Variants in ANKFN1 observed in about 807,000 individuals in gnomAD.
ANKFN1 encodes ankyrin repeat and fibronectin type III domain containing 1.
ANKFN1 carries 74 observed loss-of-function variants against 108.7 expected under a neutral mutation model. The observed-to-expected ratio is 0.68, with a 90% CI of 0.56 to 0.83. The LOEUF is 0.83. ANKFN1 is among the 40% of genes least tolerant of loss of function. The pLI, the probability that ANKFN1 is intolerant of heterozygous loss-of-function variation, is 0.00. For synonymous variants in ANKFN1, 547 were observed against 516.2 expected, an observed-to-expected ratio of 1.06 and a Z score of -0.81; for missense variants, 1,505 against 1,382.3, an observed-to-expected ratio of 1.09 and a Z score of -1.41.
intron 3 of ANKFN1, among the ~76,000 whole-genome samples, chr17:56,321,383 C>T (rs1026356751): frequency 6.6e-6 from 1 of 151,068 alleles, no homozygotes; most frequent in Admixed American, 6.6e-5. Flanking sequence ...GCTGGCCAGG[C>T]TCTTTGCTGA....
At chr17:56,355,929 G>A (rs1211836522) in intron 6 of ANKFN1, among the ~76,000 whole-genome samples, 1 of 152,028 alleles carries the variant, frequency 6.6e-6, no homozygotes, top group African/African-American at 2.4e-5. Context: ...TCATACCATT[G>A]ACTATTATCA....
At chr17:56,166,231 G>A (rs1424451579) in intron 1 of ANKFN1, among the ~76,000 whole-genome samples, 1 of 152,192 alleles carries the variant, frequency 6.6e-6, no homozygotes, top group Non-Finnish European at 1.5e-5. Flanking sequence ...TACCTTTGAA[G>A]AGTTGCTTTT....
chr17:56,512,633 T>C lies in ANKFN1; in HGVS notation c.*1364T>C, dbSNP rs1250091793. On this transcript the variant is annotated 3_prime_UTR_variant, in exon 21 of 21. Coordinates refer to ENST00000682825, the MANE Select transcript of ANKFN1 (RefSeq NM_001370326.1). Reference sequence around the variant, plus strand: ...TTCACTTCACTGACATTCTAAATGATCCTTTTCTGCTTCACAGGCATTTCA... The same window carrying C: ...TTCACTTCACTGACATTCTAAATGACCCTTTTCTGCTTCACAGGCATTTCA... Among the ~76,000 whole-genome samples the C allele has an allele frequency of 6.6e-6, 1 of 152,232 alleles. No individual in the cohort carries two copies. The highest frequency in any genetic ancestry group is 1.5e-5 in the Non-Finnish European group (1 of 68,038).
intron 6 of ANKFN1, among the ~76,000 whole-genome samples, chr17:56,358,067 T>C (rs1168910171): frequency 6.6e-6 from 1 of 152,198 alleles, no homozygotes; most frequent in African/African-American, 2.4e-5. Flanking sequence ...TGTTACACAT[T>C]AGATGCTCAA....
chr17:56,187,787 A>T (rs1912372921), intron 1 of ANKFN1, among the ~76,000 whole-genome samples: 1 of 152,216 alleles, frequency 6.6e-6, no homozygotes, highest in African/African-American at 2.4e-5. Flanking sequence ...TTATAGGGAC[A>T]TGGATGAAGC....
At chr17:56,484,787 C>T (rs2050807190) in intron 18 of ANKFN1, among the ~76,000 whole-genome samples, 1 of 152,182 alleles carries the variant, frequency 6.6e-6, no homozygotes, top group South Asian at 2.1e-4. Context: ...ACCAGGATTC[C>T]ATTCTGTGTT....
chr17:56,353,900 T>C lies in ANKFN1; in HGVS notation c.455T>C (p.Ile152Thr). ...CAGCAGGACATGGATGCTGTGCAGA[T>C]CCTCCTGTATCAGTACACACCAGAA... The part of the protein sequence containing the change: ...VEQQDMDAVQ[I>T]LLYQYTPEEL... Residue 152 changes from isoleucine to threonine, a missense_variant, in exon 6 of 21, where the codon ATC becomes ACC. By Grantham distance (89) the Ile-to-Thr change is moderately conservative (BLOSUM62 -1). Transcript: ENST00000682825. 6.2e-7 allele frequency: 1 copy of C among 1,613,966 alleles called. No individual in the cohort carries two copies. The highest frequency in any genetic ancestry group is 1.1e-5 in the South Asian group (1 of 91,078).
At position 56,222,909 on chromosome 17, in the gene ANKFN1, A is replaced by T. The variant is rs72833807; in HGVS notation, c.13-5008A>T. On this transcript the variant is annotated intron_variant, in intron 2 of 20. Coordinates refer to ENST00000682825, the MANE Select transcript of ANKFN1 (RefSeq NM_001370326.1). ...ACACGTCTAAAAGTAAATGTTCAAA[A>T]TGCTTGGTCATTACAAGCCCACTGT... 6.2e-3 allele frequency among the ~76,000 whole-genome samples: 937 copies of T among 152,324 alleles called. 14 individuals carry two copies. Among genetic ancestry groups the T allele is most frequent in the Non-Finnish European group, 8.8e-3 (599 of 68,020 alleles).
chr17:56,138,278 A>T (rs1431892369), intron 4 of ANKFN1, among the ~76,000 whole-genome samples: 1 of 152,210 alleles, frequency 6.6e-6, no homozygotes, highest in Non-Finnish European at 1.5e-5. Flanking sequence ...GATCTCAAAA[A>T]AAGTCCATCC....
At chr17:56,382,148 A>G (rs2047124505) in intron 8 of ANKFN1, among the ~76,000 whole-genome samples, 1 of 152,236 alleles carries the variant, frequency 6.6e-6, no homozygotes, top group Admixed American at 6.5e-5. Flanking sequence ...GAAACTCTAC[A>G]AGCCAGAAGA....
intron 1 of ANKFN1, among the ~76,000 whole-genome samples, chr17:56,170,801 T>TACACACACACACACACACAC (rs1224594065): frequency 5.0e-4 from 32 of 64,222 alleles, no homozygotes; most frequent in East Asian, 2.9e-3. Context: ...TATATATATA[T>TACACACACACACACACACAC]ATATATACAC....
intron 8 of ANKFN1, among the ~76,000 whole-genome samples, chr17:56,403,533 G>C (rs984434922): frequency 6.6e-6 from 1 of 151,902 alleles, no homozygotes; most frequent in Non-Finnish European, 1.5e-5. Flanking sequence ...CCCTTTTACT[G>C]TAAGTTTACC....
chr17:56,441,214 T>C (rs917430294), intron 9 of ANKFN1, among the ~76,000 whole-genome samples: 1 of 152,204 alleles, frequency 6.6e-6, no homozygotes, highest in African/African-American at 2.4e-5. Context: ...CCTTTTTCAG[T>C]CCAATTCAAA....
intron 3 of ANKFN1, among the ~76,000 whole-genome samples, chr17:56,279,242 A>G (rs927721775): frequency 1.3e-5 from 2 of 152,204 alleles, no homozygotes; most frequent in Non-Finnish European, 2.9e-5. Context: ...TTTTCTACCT[A>G]TTGTCCTATA....
chr17:56,446,199 A>T (rs997570553), intron 10 of ANKFN1, among the ~76,000 whole-genome samples: 4 of 152,208 alleles, frequency 2.6e-5, no homozygotes, highest in Non-Finnish European at 4.4e-5. Context: ...TGAAAGAGAC[A>T]GGCCTATTTC....
chr17:56,468,078 C>T (rs1389004586), intron 15 of ANKFN1, among the ~76,000 whole-genome samples: 1 of 152,172 alleles, frequency 6.6e-6, no homozygotes, highest in Non-Finnish European at 1.5e-5. Context: ...CTCCACAAAA[C>T]TTGATTTTGT....
chr17:56,367,879 C>G (rs142409474), intron 6 of ANKFN1, among the ~76,000 whole-genome samples: 20 of 152,192 alleles, frequency 1.3e-4, no homozygotes, highest in Admixed American at 1.3e-3. Context: ...AATTTCATAC[C>G]AAATAGATAA....
At chr17:56,471,836 A>G (rs2050327453) in intron 15 of ANKFN1, 1 of 152,252 alleles carries the variant, frequency 6.6e-6, no homozygotes, top group African/African-American at 2.4e-5. Context: ...TGCCCAGAAT[A>G]GGCAAATCCA....
At chr17:56,341,419 C>CA (rs1315993482) in intron 4 of ANKFN1, among the ~76,000 whole-genome samples, 1 of 152,102 alleles carries the variant, frequency 6.6e-6, no homozygotes. Flanking sequence ...TTTGCCCATT[C>CA]AGTATGATGT....
Sources: allele counts gnomAD v4.1 joint callset (sites outside exome capture counted in the v4.1 genomes callset), GRCh38; gene constraint gnomAD v4.1.1; transcripts MANE v1.5; gene names NCBI Gene and HGNC (gene_info 2026-07-23, HGNC 2026-07-21).